ABLIM1: variants seen among roughly 807,000 people sequenced by gnomAD.
ABLIM1 encodes the protein actin-binding LIM protein 1.
ABLIM1 carries 40 observed loss-of-function variants against 107.0 expected under a neutral mutation model. That is an observed-to-expected ratio of 0.37 (90% CI 0.29 to 0.49). The LOEUF (loss-of-function observed/expected upper bound fraction) is 0.49. Among genes scored for constraint, ABLIM1 ranks in the 20% least tolerant of loss-of-function variants. The pLI, the probability that ABLIM1 is intolerant of heterozygous loss-of-function variation, is 0.97. For synonymous variants in ABLIM1, 357 were observed against 357.3 expected, an observed-to-expected ratio of 1.00 and a Z score of 0.01; for missense variants, 857 against 1,008.5, an observed-to-expected ratio of 0.85 and a Z score of 2.04.
At chr10:114,555,375 C>G (rs545119945) in intron 4 of ABLIM1, among the ~76,000 whole-genome samples, 6 of 152,262 alleles carry the variant, frequency 3.9e-5, no homozygotes, top group Non-Finnish European at 7.4e-5. Context: ...GGAGTGGGCC[C>G]GGGCTTTGCC....
intron 1 of ABLIM1, among the ~76,000 whole-genome samples, chr10:114,697,764 A>T (rs186590343): frequency 6.6e-6 from 1 of 152,302 alleles, no homozygotes; most frequent in Non-Finnish European, 1.5e-5. Context: ...TCATATCATC[A>T]AGTTTTAAGC....
chr10:114,666,170 A>G (rs2080017455), intron 1 of ABLIM1, among the ~76,000 whole-genome samples: 1 of 152,158 alleles, frequency 6.6e-6, no homozygotes. Flanking sequence ...GCATCACTGA[A>G]TCTATTGGCT....
rs763683167 is a variant in ABLIM1 at position 114,487,981 on chromosome 10, T to G, written c.1018A>C (p.Thr340Pro). Reference sequence around the variant, plus strand: ...ACCCGCAGCTTTTCCTCGGTCTTCGTAGATTGCTTACAGTCGGGATGCCAA... The same window carrying G: ...ACCCGCAGCTTTTCCTCGGTCTTCGGAGATTGCTTACAGTCGGGATGCCAA... ...TVWHPDCKQS[T>P]KTEEKLRPTR... The change falls in exon 8 of 23, where the codon ACG (threonine) becomes CCG (proline). Residue 340 changes from threonine to proline, a missense_variant. Physicochemically the swap from Thr to Pro is conservative, Grantham distance 38. Coordinates refer to ENST00000533213, the MANE Select transcript of ABLIM1 (RefSeq NM_002313.7). 1 of 1,614,196 alleles carries G rather than the reference T, an allele frequency of 6.2e-7. No homozygotes were observed. Among genetic ancestry groups the G allele is most frequent in the South Asian group, 1.1e-5 (1 of 91,076 alleles).
intron 6 of ABLIM1, among the ~76,000 whole-genome samples, chr10:114,521,210 G>T (rs2063679942): frequency 6.6e-6 from 1 of 152,192 alleles, no homozygotes; most frequent in Non-Finnish European, 1.5e-5. Flanking sequence ...GAGGAGGAAA[G>T]AAAGGCTGTA....
chr10:114,587,868 C>T (rs942701469), intron 2 of ABLIM1, among the ~76,000 whole-genome samples: 4 of 152,284 alleles, frequency 2.6e-5, no homozygotes. Context: ...ATCTGAACCA[C>T]TCACCTGCAC....
chr10:114,708,146 A>G (rs1167933257), intron 1 of ABLIM1, among the ~76,000 whole-genome samples: 2 of 152,178 alleles, frequency 1.3e-5, no homozygotes, highest in African/African-American at 4.8e-5. Context: ...AGGAGCCCCC[A>G]TGAGAATGAT....
chr10:114,495,710 A>G (rs1259886110), intron 6 of ABLIM1, among the ~76,000 whole-genome samples: 1 of 152,194 alleles, frequency 6.6e-6, no homozygotes, highest in Non-Finnish European at 1.5e-5. Context: ...TACGTACTCC[A>G]TAAACATTTA....
chr10:114,468,575 CTT>C (rs2065759697), intron 10 of ABLIM1, among the ~76,000 whole-genome samples: 1 of 151,944 alleles, frequency 6.6e-6, no homozygotes, highest in Non-Finnish European at 1.5e-5. Context: ...CGCCTGGCCT[CTT>C]TGCCAGTTTT....
intron 8 of ABLIM1, among the ~76,000 whole-genome samples, chr10:114,486,766 A>T (rs990310844): frequency 1.3e-5 from 2 of 152,170 alleles, no homozygotes; most frequent in Non-Finnish European, 2.9e-5. Flanking sequence ...TTCTAAAAGC[A>T]CTGCATTTGT....
chr10:114,639,850 C>T (rs2078657777), intron 1 of ABLIM1, among the ~76,000 whole-genome samples: 1 of 152,188 alleles, frequency 6.6e-6, no homozygotes, highest in African/African-American at 2.4e-5. Flanking sequence ...TGCCCGTGCA[C>T]ACAGAGTGTT....
intron 1 of ABLIM1, among the ~76,000 whole-genome samples, chr10:114,635,566 C>T (rs1483319131): frequency 6.6e-6 from 1 of 152,230 alleles, no homozygotes; most frequent in African/African-American, 2.4e-5. Context: ...ACTCTGTCAC[C>T]CAGGCTGGAG....
chr10:114,503,596 T>G (rs1394572428), intron 6 of ABLIM1, among the ~76,000 whole-genome samples: 1 of 152,176 alleles, frequency 6.6e-6, no homozygotes, highest in Non-Finnish European at 1.5e-5. Flanking sequence ...GGCAAGGTCA[T>G]AGGATATGTT....
At chr10:114,458,845 G>A (rs1360315040) in intron 12 of ABLIM1, among the ~76,000 whole-genome samples, 1 of 152,156 alleles carries the variant, frequency 6.6e-6, no homozygotes, top group African/African-American at 2.4e-5. Flanking sequence ...CTTTACAAAC[G>A]AAGCCCGAAA....
intron 6 of ABLIM1, among the ~76,000 whole-genome samples, chr10:114,497,278 C>T (rs1011925384): frequency 5.9e-5 from 9 of 152,202 alleles, no homozygotes; most frequent in Non-Finnish European, 1.3e-4. Context: ...AACTGGCAGC[C>T]GTCCTGCCTG....
intron 1 of ABLIM1, among the ~76,000 whole-genome samples, chr10:114,609,906 G>A (rs1402481878): frequency 1.3e-5 from 2 of 152,176 alleles, no homozygotes; most frequent in Non-Finnish European, 2.9e-5. Flanking sequence ...TGCAGAGGAG[G>A]AAACCAAGGC....
At chr10:114,602,753 T>A (rs2076117181) in intron 1 of ABLIM1, among the ~76,000 whole-genome samples, 1 of 152,226 alleles carries the variant, frequency 6.6e-6, no homozygotes. Flanking sequence ...CATCACATGA[T>A]GGGGCTTACA....
At chr10:114,718,520 C>G (rs1303456085) in intron 1 of ABLIM1, among the ~76,000 whole-genome samples, 1 of 152,190 alleles carries the variant, frequency 6.6e-6, no homozygotes, top group East Asian at 1.9e-4. Context: ...TCTCCTGATT[C>G]AGGCGGGGTG....
intron 14 of ABLIM1, among the ~76,000 whole-genome samples, chr10:114,449,647 A>C (rs556868488): frequency 6.6e-6 from 1 of 152,258 alleles, no homozygotes; most frequent in African/African-American, 2.4e-5. Flanking sequence ...TCATGAGAAA[A>C]CCATTTCAGC....
At chr10:114,745,012 C>G (rs2082354467) in intron 1 of ABLIM1, among the ~76,000 whole-genome samples, 1 of 152,100 alleles carries the variant, frequency 6.6e-6, no homozygotes, top group East Asian at 1.9e-4. Context: ...TAGGGAGAAA[C>G]AGCACCACAA....
Sources: allele counts gnomAD v4.1 joint callset (sites outside exome capture counted in the v4.1 genomes callset), GRCh38; gene constraint gnomAD v4.1.1; transcripts MANE v1.5; gene names NCBI Gene and HGNC (gene_info 2026-07-23, HGNC 2026-07-21).